Variants in CRYZ observed in about 807,000 individuals in gnomAD.
CRYZ encodes the protein zeta-crystallin.
CRYZ carries 35 observed loss-of-function variants against 34.1 expected under a neutral mutation model. The observed-to-expected ratio is 1.03, with a 90% confidence interval of 0.78 to 1.36. The LOEUF (loss-of-function observed/expected upper bound fraction) is 1.36. Ranked by LOEUF, CRYZ falls within the 40% of genes most tolerant of loss-of-function variation. The pLI, the probability that CRYZ is intolerant of heterozygous loss-of-function variation, is 0.00. For missense variants in CRYZ, 403 were observed against 391.8 expected, an observed-to-expected ratio of 1.03 and a Z score of -0.24; for synonymous variants, 137 against 136.5, an observed-to-expected ratio of 1.00 and a Z score of -0.03.
At chr1:74,728,984 C>T (rs1647538786) in intron 1 of CRYZ, among the ~76,000 whole-genome samples, 1 of 152,170 alleles carries the variant, frequency 6.6e-6, no homozygotes, top group Non-Finnish European at 1.5e-5. Context: ...ACTCAGCAAT[C>T]TCACCACTCT....
At chr1:74,725,540 G>A (rs1339040228) in intron 1 of CRYZ, among the ~76,000 whole-genome samples, 3 of 150,040 alleles carry the variant, frequency 2.0e-5, no homozygotes, top group Non-Finnish European at 4.4e-5. Context: ...CATGACACAT[G>A]GGAATTATGG....
At chr1:74,720,443 T>C (rs1647143829) in intron 3 of CRYZ, among the ~76,000 whole-genome samples, 1 of 152,202 alleles carries the variant, frequency 6.6e-6, no homozygotes, top group Non-Finnish European at 1.5e-5. Flanking sequence ...AGGCCAGGCA[T>C]TATTGGGCCA....
rs762457506 is a variant in CRYZ at position 74,724,833 on chromosome 1, T to C, written c.-12A>G. On this transcript the variant is annotated splice_region_variant and 5_prime_UTR_variant, in exon 2 of 9. Coordinates refer to ENST00000340866, the MANE Select transcript of CRYZ (RefSeq NM_001889.4). ...TGTCCAGTCGCCATGGTGATCTAGA[T>C]ACTAAGGAAGAAAAAAAATTAATGT... 6.4e-7 allele frequency: 1 copy of C among 1,560,920 alleles called. No individual in the cohort carries two copies. The highest frequency in any genetic ancestry group is 1.1e-5 in the South Asian group (1 of 88,226).
At chr1:74,710,635 G>T (rs1448758908) in intron 5 of CRYZ, among the ~76,000 whole-genome samples, 1 of 152,182 alleles carries the variant, frequency 6.6e-6, no homozygotes, top group African/African-American at 2.4e-5. Flanking sequence ...CAAGATGTTT[G>T]CAGGGTTTAA....
intron 3 of CRYZ, among the ~76,000 whole-genome samples, chr1:74,721,376 G>C (rs995414929): frequency 6.6e-6 from 1 of 152,170 alleles, no homozygotes; most frequent in Non-Finnish European, 1.5e-5. Context: ...GGAGGAGTGG[G>C]AGTTAAGACT....
rs1397259842 is a variant in CRYZ, at chr1:74,719,317, G to C, written c.320C>G (p.Ala107Gly). 1 of 1,613,576 alleles carries C rather than the reference G, an allele frequency of 6.2e-7. No individual in the cohort carries two copies. Among genetic ancestry groups the C allele is most frequent in the Non-Finnish European group, 8.5e-7 (1 of 1,179,670 alleles). ...STISGGYAEYALAADHTVYKL... is the reference protein window; with the variant it reads ...STISGGYAEYGLAADHTVYKL... The stretch of plus-strand genomic sequence containing the variant: ...GTAAACAGTGTGGTCTGCTGCAAGA[G>C]CATACTCTGCATAACCCCCAGAGAT... The change falls in exon 4 of 9, where the codon GCT becomes GGT. Residue 107 changes from alanine (A) to glycine (G), a missense_variant. By Grantham distance (60) the Ala-to-Gly change is moderately conservative. Transcript: ENST00000340866.
In CRYZ at chr1:74,723,103, T is replaced by C; in HGVS notation, c.264+15A>G. ...ATAAATTCAGCCAAAATAGAAATAATTAAAAATGCAATACCTTGAAAGCAG... is the reference window on the plus strand; with the variant it reads ...ATAAATTCAGCCAAAATAGAAATAACTAAAAATGCAATACCTTGAAAGCAG... On this transcript the variant is annotated intron_variant, in intron 3 of 8. Coordinates refer to ENST00000340866, the MANE Select transcript of CRYZ (RefSeq NM_001889.4). 6.2e-7 allele frequency: 1 copy of C among 1,602,618 alleles called. No individual in the cohort carries two copies. The highest frequency in any genetic ancestry group is 8.5e-7 in the Non-Finnish European group (1 of 1,176,724).
chr1:74,723,822 G>A (rs1192637075), intron 2 of CRYZ, among the ~76,000 whole-genome samples: 1 of 152,180 alleles, frequency 6.6e-6, no homozygotes, highest in Non-Finnish European at 1.5e-5. Flanking sequence ...ACCCACATTT[G>A]AGAACTTTTA....
chr1:74,722,062 A>G (rs891803621), intron 3 of CRYZ, among the ~76,000 whole-genome samples: 7 of 152,192 alleles, frequency 4.6e-5, no homozygotes, highest in Non-Finnish European at 1.0e-4. Flanking sequence ...AACATGTGAT[A>G]ATGGCAACAA....
rs755429675 is a variant in CRYZ at position 74,707,081 on chromosome 1, AAAAAAG to A, written c.732+16_732+21del. 33 of 1,561,450 alleles carry A rather than the reference AAAAAAG, an allele frequency of 2.1e-5. No individual in the cohort carries two copies. The Admixed American group carries it at 3.9e-4, about 19-fold the overall frequency. On this transcript the variant is annotated intron_variant, in intron 7 of 8. Coordinates refer to ENST00000340866, the MANE Select transcript of CRYZ (RefSeq NM_001889.4). ...TAAAACATTAAAGTGGTAAAAAAAA[AAAAAAG>A]AAAAGGAATACTTACTATCACTCGT...
chr1:74,723,416 A>T (rs1647201457), intron 2 of CRYZ, 146 bp from the exon 3 acceptor site: 1 of 685,756 alleles, frequency 1.5e-6, no homozygotes, highest in Admixed American at 2.9e-5. Context: ...CTCACATTCC[A>T]AGTTTTACAA....
chr1:74,706,221 A>G lies in CRYZ; in HGVS notation c.*75T>C. 1 of 1,243,890 alleles carries G rather than the reference A, an allele frequency of 8.0e-7. No individual in the cohort carries two copies. Among genetic ancestry groups the G allele is most frequent in the South Asian group, 2.0e-5 (1 of 49,018 alleles). 77.1% of individuals were successfully genotyped at this position (1,243,890 alleles called of 1,614,324 possible). Reference sequence around the variant, plus strand: ...TCATGGAATCGAATGTTAATTAAAGAAAAGATAGGGTAAGTACAACTGGGG... The same window carrying G: ...TCATGGAATCGAATGTTAATTAAAGGAAAGATAGGGTAAGTACAACTGGGG... On this transcript the variant is annotated 3_prime_UTR_variant, in exon 9 of 9. Coordinates refer to ENST00000340866, the MANE Select transcript of CRYZ (RefSeq NM_001889.4).
chr1:74,721,210 G>C (rs914207410), intron 3 of CRYZ, among the ~76,000 whole-genome samples: 12 of 152,144 alleles, frequency 7.9e-5, no homozygotes, highest in African/African-American at 2.9e-4. Flanking sequence ...AGAAATTGAA[G>C]CTAAAGTGTA....
chr1:74,719,948 C>T (rs915229147), intron 3 of CRYZ, among the ~76,000 whole-genome samples: 1 of 151,974 alleles, frequency 6.6e-6, no homozygotes, highest in Non-Finnish European at 1.5e-5. Flanking sequence ...CCATGAAGAG[C>T]TTGCTATACC....
At chr1:74,719,127 G>T in intron 4 of CRYZ, 82 bp downstream of exon 4, 2 of 1,387,376 alleles carry the variant, frequency 1.4e-6, no homozygotes, top group Non-Finnish European at 2.0e-6. Context: ...TGAACAGATG[G>T]ATGGACAGAC....
chr1:74,707,255 A>T lies in CRYZ; in HGVS notation c.631-51T>A, dbSNP rs1399156777. The T allele has an allele frequency of 4.2e-6, 4 of 943,042 alleles. No individual in the cohort carries two copies. In the African/African-American group the frequency reaches 6.7e-5, roughly 16 times the overall value. The allele number at this position is 943,042 out of a possible 1,614,324, so 58.4% of individuals were successfully genotyped here. On this transcript the variant is annotated intron_variant, in intron 6 of 8. Transcript: ENST00000340866. ...GTAAGATAGCAAGTGAAAAACTGTA[A>T]AATAGCTACTATCTGTACAAGATAT...
chr1:74,710,676 T>C (rs927365437), intron 5 of CRYZ, among the ~76,000 whole-genome samples: 1 of 152,260 alleles, frequency 6.6e-6, no homozygotes, highest in South Asian at 2.1e-4. Context: ...CTGACTTCTT[T>C]GTGCATATGA....
intron 1 of CRYZ, 68 bp from the exon 2 acceptor site, chr1:74,724,902 G>A: frequency 1.2e-6 from 1 of 861,440 alleles, no homozygotes; most frequent in South Asian, 1.6e-5. Context: ...TTTCCCCCCT[G>A]GAGGGAGCAG....
intron 2 of CRYZ, 116 bp downstream of exon 2, chr1:74,724,595 T>C (rs1474487884): frequency 1.5e-6 from 1 of 663,018 alleles, no homozygotes; most frequent in African/African-American, 1.8e-5. Context: ...TAGTGTAAAC[T>C]GCATCCTAAT....
Sources: gnomAD v4.1 joint callset for allele counts (sites outside exome capture counted in the v4.1 genomes callset) on GRCh38, gnomAD v4.1.1 for gene constraint, MANE v1.5 for transcripts, NCBI Gene and HGNC (gene_info 2026-07-23, HGNC 2026-07-21) for gene names.